Variants in OLA1 observed in about 807,000 individuals in gnomAD.
OLA1 encodes the protein obg-like ATPase 1.
In OLA1, 14 loss-of-function variants were observed where a neutral mutation model predicts 48.4. The ratio of observed to expected loss-of-function variants is 0.29; its 90% CI spans 0.19 to 0.45. The LOEUF is 0.45. OLA1 is among the 20% of genes least tolerant of loss of function. The probability of loss-of-function intolerance (pLI) is 1.00; values close to 1 mark genes in which losing one functional copy is unlikely to be tolerated. For synonymous variants in OLA1, 127 were observed against 150.4 expected, an observed-to-expected ratio of 0.84 and a Z score of 1.14; for missense variants, 325 against 467.1, an observed-to-expected ratio of 0.70 and a Z score of 2.80.
chr2:174,073,110 C>G lies in OLA1; in HGVS notation c.*2316G>C, dbSNP rs994378710. ...GATCGATCAATCCTCCCATCTCAGC[C>G]TCCTAAGTAGCTGGGACTACAGGTG... On this transcript the variant is annotated 3_prime_UTR_variant, in exon 11 of 11. Transcript: ENST00000284719. 6.6e-6 allele frequency: 1 copy of G among 152,268 alleles called. No homozygotes were observed. The highest frequency in any genetic ancestry group is 1.9e-4 in the East Asian group (1 of 5,166). 9.4% of individuals were successfully genotyped at this position (152,268 alleles called of 1,614,324 possible). A position where few individuals can be genotyped will look rare whatever the true frequency, so the allele number is the denominator to read the frequency against.
At chr2:174,247,859 G>A in intron 1 of OLA1, 1 of 1,463,948 alleles carries the variant, frequency 6.8e-7, no homozygotes, top group Non-Finnish European at 9.2e-7. Context: ...TCCAAATCAT[G>A]CGTGCAGAAT....
chr2:174,081,850 A>G, intron 8 of OLA1, 74 bp downstream of exon 8: 1 of 1,377,158 alleles, frequency 7.3e-7, no homozygotes, highest in Non-Finnish European at 1.0e-6. Context: ...TTATTATTCT[A>G]TCAGCGCAAG....
chr2:174,122,981 T>C (rs1574493771), intron 7 of OLA1, among the ~76,000 whole-genome samples, 199 bp downstream of exon 7: 1 of 152,180 alleles, frequency 6.6e-6, no homozygotes, highest in Non-Finnish European at 1.5e-5. Context: ...AATTCAGTTT[T>C]TCTTAAGTTC....
chr2:174,228,476 T>C (rs1574566487), intron 3 of OLA1, among the ~76,000 whole-genome samples: 1 of 152,172 alleles, frequency 6.6e-6, no homozygotes, highest in Non-Finnish European at 1.5e-5. Flanking sequence ...ACAACTGTTA[T>C]ATCAAGGTAG....
chr2:174,122,519 G>C (rs1685936377), intron 7 of OLA1, among the ~76,000 whole-genome samples: 1 of 152,152 alleles, frequency 6.6e-6, no homozygotes, highest in African/African-American at 2.4e-5. Flanking sequence ...AAATACTTAA[G>C]AGTCCAGTGA....
intron 4 of OLA1, among the ~76,000 whole-genome samples, chr2:174,163,716 ATATATATATATATATATATATAT>A (rs1558984424): frequency 0.072 from 1,284 of 17,944 alleles, 127 homozygotes; most frequent in Non-Finnish European, 0.087. Flanking sequence ...AAATAAATAT[ATATATATATATATATATATATAT>A]ATATATATAT....
At position 174,215,205 on chromosome 2, in the gene OLA1, G is replaced by A. The variant is rs531983267; in HGVS notation, c.373+7828C>T. On this transcript the variant is annotated intron_variant, in intron 4 of 10. Transcript: ENST00000284719. Reference sequence around the variant, plus strand: ...GAAGGGAGCTTTTGGGGTGATGAAAGTGTTCTGTAGCCATACTCTTGTGGT... The same window carrying A: ...GAAGGGAGCTTTTGGGGTGATGAAAATGTTCTGTAGCCATACTCTTGTGGT... Among the ~76,000 whole-genome samples, 6 of 152,274 alleles carry A rather than the reference G, an allele frequency of 3.9e-5. No individual in the cohort carries two copies. The East Asian group carries it at 1.2e-3, about 29-fold the overall frequency.
intron 4 of OLA1, among the ~76,000 whole-genome samples, chr2:174,172,917 T>C (rs377060585): frequency 5.3e-5 from 8 of 152,160 alleles, no homozygotes; most frequent in African/African-American, 1.9e-4. Flanking sequence ...TCTGGTTGTT[T>C]AAAAGAGAGT....
At chr2:174,099,592 C>T (rs1314210092) in intron 7 of OLA1, among the ~76,000 whole-genome samples, 1 of 152,188 alleles carries the variant, frequency 6.6e-6, no homozygotes, top group Admixed American at 6.5e-5. Flanking sequence ...ACCGATGAAA[C>T]ATTTATTCCT....
intron 4 of OLA1, among the ~76,000 whole-genome samples, chr2:174,204,908 G>A (rs1688074541): frequency 6.6e-6 from 1 of 151,924 alleles, no homozygotes; most frequent in Non-Finnish European, 1.5e-5. Flanking sequence ...AAATTCATAG[G>A]TTCCTAGGAG....
rs528190944 is a variant in OLA1, at chr2:174,170,123, C to A, written c.374-28123G>T. ...TGGCGGGCGCCTGTAGTCCCAGCTA[C>A]TCCAGAGGCTGAGGCAGGAGAATGG... On this transcript the variant is annotated intron_variant, in intron 4 of 10. Coordinates refer to ENST00000284719, the MANE Select transcript of OLA1 (RefSeq NM_013341.5). Among the ~76,000 whole-genome samples, 102 of 152,326 alleles carry A rather than the reference C, an allele frequency of 6.7e-4. 2 individuals are homozygous for A. Among genetic ancestry groups the A allele is most frequent in the Admixed American group, 4.8e-3 (74 of 15,308 alleles).
intron 2 of OLA1, among the ~76,000 whole-genome samples, chr2:174,230,323 C>T (rs992825132): frequency 6.6e-6 from 1 of 152,096 alleles, no homozygotes; most frequent in Non-Finnish European, 1.5e-5. Context: ...GTGATTAACT[C>T]TTTGAAGACT....
Position 174,192,037 on chromosome 2 carries a change from ATTCT to A in OLA1, c.373+30992_373+30995del, listed in dbSNP as rs1687788308. Among the ~76,000 whole-genome samples, 4 of 152,112 alleles carry A rather than the reference ATTCT, an allele frequency of 2.6e-5. No individual in the cohort carries two copies. The South Asian group carries it at 8.3e-4, about 32-fold the overall frequency. Reference sequence around the variant, plus strand: ...TAGCAATTTTCTACTTACTCCAGCTATTCTTTCTTTCTTCCTCTTTCTCTGACTT... The same window carrying A: ...TAGCAATTTTCTACTTACTCCAGCTATTCTTTCTTCCTCTTTCTCTGACTT... On this transcript the variant is annotated intron_variant, in intron 4 of 10. Transcript: ENST00000284719.
chr2:174,110,471 G>C (rs1574486856), intron 7 of OLA1, among the ~76,000 whole-genome samples: 1 of 151,442 alleles, frequency 6.6e-6, no homozygotes, highest in Non-Finnish European at 1.5e-5. Flanking sequence ...TTGAGACAGG[G>C]TGTCACTCTG....
intron 3 of OLA1, among the ~76,000 whole-genome samples, chr2:174,227,369 T>C (rs542053791): frequency 6.6e-6 from 1 of 152,294 alleles, no homozygotes; most frequent in African/African-American, 2.4e-5. Context: ...ATGAATTAGA[T>C]GGTAATATGG....
At chr2:174,187,701 C>T (rs1042749962) in intron 4 of OLA1, among the ~76,000 whole-genome samples, 4 of 152,176 alleles carry the variant, frequency 2.6e-5, no homozygotes, top group African/African-American at 7.2e-5. Context: ...GTCATGTGAT[C>T]AGGGTATCCT....
intron 7 of OLA1, among the ~76,000 whole-genome samples, chr2:174,094,643 A>AT (rs1195707945): frequency 3.3e-5 from 5 of 152,180 alleles, no homozygotes; most frequent in Non-Finnish European, 5.9e-5. Flanking sequence ...TGGTCAACTG[A>AT]TTTTTTAAAA....
intron 4 of OLA1, among the ~76,000 whole-genome samples, chr2:174,182,487 T>C (rs1687570899): frequency 6.6e-6 from 1 of 151,854 alleles, no homozygotes; most frequent in Non-Finnish European, 1.5e-5. Context: ...GATCGTGCCA[T>C]TGCAACTCCA....
rs570374065 is a variant in OLA1 at position 174,236,647 on chromosome 2, G to A, written c.102-7196C>T. Among the ~76,000 whole-genome samples, 6 of 152,208 alleles carry A rather than the reference G, an allele frequency of 3.9e-5. No individual in the cohort carries two copies. The South Asian group carries it at 8.3e-4, about 21-fold the overall frequency. On this transcript the variant is annotated intron_variant, in intron 2 of 10. Transcript: ENST00000284719. The stretch of plus-strand genomic sequence containing the variant: ...TTCATCATCGTGCGAACATTACAGA[G>A]TATATTTACACAAACCTAGATGGTA...
Sources: allele counts gnomAD v4.1 joint callset (sites outside exome capture counted in the v4.1 genomes callset), GRCh38; gene constraint gnomAD v4.1.1; transcripts MANE v1.5; gene names NCBI Gene and HGNC (gene_info 2026-07-23, HGNC 2026-07-21).